Variants in GPC6 observed in about 807,000 individuals in gnomAD.
GPC6 encodes the protein glypican-6.
GPC6 carries 14 observed loss-of-function variants against 55.2 expected under a neutral mutation model. The ratio of observed to expected loss-of-function variants is 0.25; its 90% CI spans 0.17 to 0.40. GPC6 has a LOEUF of 0.40. Among genes scored for constraint, GPC6 ranks in the 10% least tolerant of loss-of-function variants. The pLI, the probability that GPC6 is intolerant of heterozygous loss-of-function variation, is 1.00. For synonymous variants in GPC6, 278 were observed against 259.6 expected (o/e 1.07, Z -0.68); for missense variants, 641 against 708.5 (o/e 0.90, Z 1.08).
rs115825795 is a variant in GPC6 at position 93,815,859 on chromosome 13, G to T, written c.320-14295G>T. The stretch of plus-strand genomic sequence containing the variant: ...AGCCTGATATTTTTTCCTGTTGATA[G>T]ATTTAAAGACTAAAATGATTTCTAA... On this transcript the variant is annotated intron_variant, in intron 2 of 8. Transcript: ENST00000377047. Among the ~76,000 whole-genome samples the T allele has an allele frequency of 4.6e-3, 706 of 152,136 alleles. 7 individuals carry two copies. Among genetic ancestry groups the T allele is most frequent in the African/African-American group, 0.016 (677 of 41,530 alleles).
At chr13:93,300,199 G>T (rs897880093) in intron 1 of GPC6, among the ~76,000 whole-genome samples, 3 of 152,160 alleles carry the variant, frequency 2.0e-5, no homozygotes, top group African/African-American at 4.8e-5. Context: ...TGAATATAAA[G>T]CTGTTTAGTG....
intron 3 of GPC6, among the ~76,000 whole-genome samples, chr13:93,971,685 A>G (rs1880288131): frequency 6.6e-6 from 1 of 152,236 alleles, no homozygotes; most frequent in Non-Finnish European, 1.5e-5. Context: ...ACTGCAACTC[A>G]GAAGGATAAA....
At chr13:93,523,612 G>C (rs1330129392) in intron 1 of GPC6, among the ~76,000 whole-genome samples, 1 of 151,830 alleles carries the variant, frequency 6.6e-6, no homozygotes, top group Non-Finnish European at 1.5e-5. Flanking sequence ...GTGATTATGG[G>C]TATTTTGTTA....
At chr13:93,558,147 T>G (rs2139454359) in intron 2 of GPC6, among the ~76,000 whole-genome samples, 1 of 152,306 alleles carries the variant, frequency 6.6e-6, no homozygotes, top group African/African-American at 2.4e-5. Context: ...GGAAAAAAAT[T>G]TAGTTTTTCA....
intron 4 of GPC6, among the ~76,000 whole-genome samples, chr13:94,094,698 T>C (rs1225679102): frequency 1.3e-5 from 2 of 152,160 alleles, no homozygotes; most frequent in Non-Finnish European, 2.9e-5. Flanking sequence ...TTTTAAGAAA[T>C]TGTGAACCAG....
chr13:93,910,153 C>T (rs1332907449), intron 3 of GPC6, among the ~76,000 whole-genome samples: 1 of 151,962 alleles, frequency 6.6e-6, no homozygotes, highest in Non-Finnish European at 1.5e-5. Context: ...TCCCACAATT[C>T]CTACGTGTCA....
intron 2 of GPC6, among the ~76,000 whole-genome samples, chr13:93,749,221 G>T (rs1183080155): frequency 6.6e-6 from 1 of 151,716 alleles, no homozygotes; most frequent in African/African-American, 2.4e-5. Context: ...AACTTTGATT[G>T]TTTTAACCTT....
intron 2 of GPC6, among the ~76,000 whole-genome samples, chr13:93,585,494 G>C (rs1226455034): frequency 6.6e-6 from 1 of 152,176 alleles, no homozygotes; most frequent in Non-Finnish European, 1.5e-5. Context: ...ACATCACTAA[G>C]TGCTGAGATG....
At chr13:93,527,672 GA>G (rs35711277) in intron 1 of GPC6, among the ~76,000 whole-genome samples, 1 of 152,054 alleles carries the variant, frequency 6.6e-6, no homozygotes, top group Non-Finnish European at 1.5e-5. Flanking sequence ...TTTATTAATT[GA>G]AAAAGTGATG....
the GPC6 span, among the ~76,000 whole-genome samples, chr13:93,218,214 G>T: frequency 6.6e-6 from 1 of 151,668 alleles, no homozygotes; most frequent in African/African-American, 2.4e-5. Context: ...TAAAATGTGC[G>T]AAGTTAATAT....
At chr13:94,089,777 A>T (rs913321757) in intron 4 of GPC6, among the ~76,000 whole-genome samples, 1 of 152,116 alleles carries the variant, frequency 6.6e-6, no homozygotes, top group Non-Finnish European at 1.5e-5. Context: ...TTTTTCTCCA[A>T]TCTACGCCGG....
Position 93,505,431 on chromosome 13 carries a change from GCA to G in GPC6, c.161-39813_161-39812del, listed in dbSNP as rs553520936. 9.8e-3 allele frequency among the ~76,000 whole-genome samples: 1,076 copies of G among 109,752 alleles called. 20 individuals are homozygous for G. The highest frequency in any genetic ancestry group is 0.023 in the African/African-American group (776 of 33,688). 72.0% of individuals were successfully genotyped at this position (109,752 alleles called of 152,430 possible). A position where few individuals can be genotyped will look rare whatever the true frequency, so the allele number is the denominator to read the frequency against. On this transcript the variant is annotated intron_variant, in intron 1 of 8. Coordinates refer to ENST00000377047, the MANE Select transcript of GPC6 (RefSeq NM_005708.5). ...CTCTCATTCTCTCTCTCACACACGT[GCA>G]CACACACACACACACACAGAGACAG...
At chr13:93,256,007 G>A (rs575581870) in intron 1 of GPC6, among the ~76,000 whole-genome samples, 2 of 151,718 alleles carry the variant, frequency 1.3e-5, no homozygotes, top group African/African-American at 2.4e-5. Context: ...AGTGGTGCAC[G>A]CCTGTAGTCC....
chr13:94,362,878 A>G (rs1879120533), intron 6 of GPC6, among the ~76,000 whole-genome samples: 1 of 152,240 alleles, frequency 6.6e-6, no homozygotes, highest in Non-Finnish European at 1.5e-5. Context: ...TAGATTCAAC[A>G]AAAACTTTAT....
intron 2 of GPC6, among the ~76,000 whole-genome samples, chr13:93,739,271 T>C (rs1884115489): frequency 6.6e-6 from 1 of 152,146 alleles, no homozygotes; most frequent in African/African-American, 2.4e-5. Context: ...GGTGATGAAT[T>C]TTCTCCTTCT....
chr13:93,389,938 C>T (rs112809176), intron 1 of GPC6, among the ~76,000 whole-genome samples: 3,812 of 152,110 alleles, frequency 0.025, 82 homozygotes, highest in Non-Finnish European at 0.039. Context: ...GTGATTTTTG[C>T]TTGCTTTTAC....
At chr13:93,300,376 C>T (rs542354734) in intron 1 of GPC6, among the ~76,000 whole-genome samples, 61 of 152,112 alleles carry the variant, frequency 4.0e-4, no homozygotes, top group South Asian at 4.2e-4. Context: ...AGGCTGGGCA[C>T]GGTGGCTCAT....
intron 2 of GPC6, among the ~76,000 whole-genome samples, chr13:93,789,743 G>A (rs931965354): frequency 1.3e-5 from 2 of 149,250 alleles, no homozygotes; most frequent in African/African-American, 4.9e-5. Flanking sequence ...ATGGCACAGA[G>A]GACAATGAGT....
intron 2 of GPC6, among the ~76,000 whole-genome samples, chr13:93,707,847 A>G (rs529979401): frequency 1.3e-5 from 2 of 151,970 alleles, no homozygotes; most frequent in African/African-American, 4.8e-5. Flanking sequence ...GTTATTCCAC[A>G]TGTTCTGGCA....
Sources: gnomAD v4.1 joint callset for allele counts (sites outside exome capture counted in the v4.1 genomes callset) on GRCh38, gnomAD v4.1.1 for gene constraint, MANE v1.5 for transcripts, NCBI Gene and HGNC (gene_info 2026-07-23, HGNC 2026-07-21) for gene names.